Variants in GALNT17 observed in about 807,000 individuals in gnomAD.
GALNT17 encodes the protein polypeptide N-acetylgalactosaminyltransferase 17.
Under a neutral mutation model 63.7 loss-of-function variants are expected in GALNT17, and 29 were observed. That is an observed-to-expected ratio of 0.46 (90% CI 0.34 to 0.62). GALNT17 has a LOEUF of 0.62. Ranked by LOEUF, GALNT17 falls within the 20% of genes least tolerant of loss-of-function variation. The pLI is 0.01. For synonymous variants in GALNT17, 305 were observed against 318.3 expected (o/e 0.96, Z 0.45); for missense variants, 603 against 799.6 (o/e 0.75, Z 2.97).
At chr7:71,459,069 G>A (rs929686560) in intron 5 of GALNT17, among the ~76,000 whole-genome samples, 2 of 151,984 alleles carry the variant, frequency 1.3e-5, no homozygotes, top group Admixed American at 1.3e-4. Context: ...TGGGCAGAAC[G>A]GATATACAGG....
intron 5 of GALNT17, among the ~76,000 whole-genome samples, chr7:71,512,154 C>T (rs1052142758): frequency 3.3e-5 from 5 of 151,954 alleles, no homozygotes; most frequent in Admixed American, 3.3e-4. Flanking sequence ...AGGTGTGTGC[C>T]ACCATGCCTC....
At chr7:71,305,064 T>G (rs1791264779) in intron 1 of GALNT17, among the ~76,000 whole-genome samples, 1 of 152,232 alleles carries the variant, frequency 6.6e-6, no homozygotes, top group Admixed American at 6.5e-5. Flanking sequence ...TCTTTCTGTG[T>G]AAGGAGATGC....
intron 1 of GALNT17, among the ~76,000 whole-genome samples, chr7:71,218,044 T>G (rs995522765): frequency 2.0e-5 from 3 of 152,176 alleles, no homozygotes; most frequent in Non-Finnish European, 2.9e-5. Flanking sequence ...TTCAAAACAT[T>G]TTCTACACAT....
chr7:71,217,301 T>C (rs1286935030), intron 1 of GALNT17, among the ~76,000 whole-genome samples: 1 of 151,974 alleles, frequency 6.6e-6, no homozygotes, highest in Non-Finnish European at 1.5e-5. Flanking sequence ...TTTTTTAACT[T>C]TGTATTTTTG....
Position 71,575,208 on chromosome 7 carries a change from A to G in GALNT17, c.1080+3806A>G, listed in dbSNP as rs80169545. 9.9e-3 allele frequency among the ~76,000 whole-genome samples: 1,509 copies of G among 152,250 alleles called. 36 individuals carry two copies. Among genetic ancestry groups the G allele is most frequent in the African/African-American group, 0.035 (1,434 of 41,542 alleles). On this transcript the variant is annotated intron_variant, in intron 6 of 10. Coordinates refer to ENST00000333538, the MANE Select transcript of GALNT17 (RefSeq NM_022479.3). The stretch of plus-strand genomic sequence containing the variant: ...TGCATAATAAATGCATTCTTAAGAA[A>G]TCCATCCCCACCGCCTGAATAAAGA...
At chr7:71,377,727 G>A (rs1563048421) in intron 2 of GALNT17, among the ~76,000 whole-genome samples, 1 of 152,178 alleles carries the variant, frequency 6.6e-6, no homozygotes, top group Non-Finnish European at 1.5e-5. Flanking sequence ...TTGAGGGATG[G>A]AGGTGATTGG....
chr7:71,612,998 G>A (rs1056444948), intron 6 of GALNT17, among the ~76,000 whole-genome samples: 4 of 152,150 alleles, frequency 2.6e-5, no homozygotes, highest in East Asian at 1.9e-4. Context: ...GGTGGTTAAC[G>A]GCCCCCCTCT....
At chr7:71,648,061 C>T (rs543479157) in intron 6 of GALNT17, among the ~76,000 whole-genome samples, 1 of 152,226 alleles carries the variant, frequency 6.6e-6, no homozygotes, top group African/African-American at 2.4e-5. Context: ...TTATCTCCAA[C>T]CTGCCCCTCC....
At chr7:71,599,439 G>A (rs945319621) in intron 6 of GALNT17, among the ~76,000 whole-genome samples, 1 of 152,164 alleles carries the variant, frequency 6.6e-6, no homozygotes, top group Non-Finnish European at 1.5e-5. Flanking sequence ...GTGAAAGTGT[G>A]GTCTTGGCTA....
chr7:71,218,011 T>A (rs1250723701), intron 1 of GALNT17, among the ~76,000 whole-genome samples: 1 of 152,188 alleles, frequency 6.6e-6, no homozygotes, highest in African/African-American at 2.4e-5. Context: ...TAATTTGCAC[T>A]GTGGGTAATG....
chr7:71,253,610 T>A (rs7805626), intron 1 of GALNT17, among the ~76,000 whole-genome samples: 1 of 151,692 alleles, frequency 6.6e-6, no homozygotes, highest in African/African-American at 2.4e-5. Context: ...AAACCATGAA[T>A]CACTGATATT....
chr7:71,596,648 TGTG>T (rs910958057), intron 6 of GALNT17, among the ~76,000 whole-genome samples: 2 of 152,146 alleles, frequency 1.3e-5, no homozygotes, highest in South Asian at 2.1e-4. Context: ...CAATGGAAGA[TGTG>T]GTCATGTGCT....
intron 1 of GALNT17, among the ~76,000 whole-genome samples, chr7:71,160,514 A>G (rs865935186): frequency 2.6e-5 from 4 of 152,150 alleles, no homozygotes; most frequent in Non-Finnish European, 5.9e-5. Flanking sequence ...GCTGGAGTGC[A>G]ATGGCACGAT....
At chr7:71,330,041 CTT>C (rs1459679736) in intron 1 of GALNT17, among the ~76,000 whole-genome samples, 1 of 151,710 alleles carries the variant, frequency 6.6e-6, no homozygotes, top group East Asian at 1.9e-4. Flanking sequence ...GAGATAGAGT[CTT>C]GCTCTGTTGC....
At chr7:71,445,551 G>A (rs1279644081) in intron 5 of GALNT17, among the ~76,000 whole-genome samples, 3 of 152,038 alleles carry the variant, frequency 2.0e-5, no homozygotes, top group Non-Finnish European at 4.4e-5. Context: ...TCATCTCTAA[G>A]TTGCTGGGGT....
intron 1 of GALNT17, among the ~76,000 whole-genome samples, chr7:71,194,971 GT>G (rs1183371140): frequency 6.6e-6 from 1 of 152,202 alleles, no homozygotes; most frequent in Admixed American, 6.5e-5. Flanking sequence ...TTGGATGTAA[GT>G]TGATGTAGAA....
intron 4 of GALNT17, among the ~76,000 whole-genome samples, chr7:71,418,545 AG>A (rs1195179493): frequency 3.3e-5 from 5 of 152,194 alleles, no homozygotes; most frequent in Admixed American, 1.3e-4. Context: ...TTTGTGGCTC[AG>A]GGAAAAGAAC....
At position 71,665,700 on chromosome 7, in the gene GALNT17, G is replaced by C; in HGVS notation, c.1266+104G>C. The C allele has an allele frequency of 4.4e-6, 6 of 1,359,084 alleles. No homozygotes were observed. In the South Asian group the frequency reaches 7.0e-5, roughly 16 times the overall value. The allele number at this position is 1,359,084 out of a possible 1,614,324, so 84.2% of individuals were successfully genotyped here. A position where few individuals can be genotyped will look rare whatever the true frequency, so the allele number is the denominator to read the frequency against. On this transcript the variant is annotated intron_variant, in intron 7 of 10. Coordinates refer to ENST00000333538, the MANE Select transcript of GALNT17 (RefSeq NM_022479.3). ...TCGTTCCTCCCCAGAAAATGCTCAT[G>C]CTTAGAAAAATTATGAATGCATTTC...
chr7:71,141,645 T>C (rs1203841083), intron 1 of GALNT17, among the ~76,000 whole-genome samples: 6 of 151,736 alleles, frequency 4.0e-5, no homozygotes. Flanking sequence ...CCATGGTAGG[T>C]ACTCAGGAGA....
Sources: allele counts gnomAD v4.1 joint callset (sites outside exome capture counted in the v4.1 genomes callset), GRCh38; gene constraint gnomAD v4.1.1; transcripts MANE v1.5; gene names NCBI Gene and HGNC (gene_info 2026-07-23, HGNC 2026-07-21).